The following PIEZO1 variants were observed in gnomAD, a reference collection of about 807,000 sequenced individuals.
PIEZO1 encodes the protein piezo-type mechanosensitive ion channel component 1.
PIEZO1 carries 296 observed loss-of-function variants against 297.2 expected under a neutral mutation model. That is an observed-to-expected ratio of 1.00 (90% CI 0.91 to 1.10). The LOEUF (loss-of-function observed/expected upper bound fraction) is 1.10, where lower values mean the gene tolerates loss of function less well. Among genes scored for constraint, PIEZO1 ranks in the 50% least tolerant of loss-of-function variants. The pLI, the probability that PIEZO1 is intolerant of heterozygous loss-of-function variation, is 0.00. For synonymous variants in PIEZO1, 2,427 were observed against 1,507.5 expected (o/e 1.61, Z -14.13); for missense variants, 5,018 against 3,455.5 (o/e 1.45, Z -11.34).
intron 1 of PIEZO1, among the ~76,000 whole-genome samples, chr16:88,771,721 G>A (rs997257787): frequency 6.6e-5 from 10 of 152,182 alleles, no homozygotes; most frequent in African/African-American, 1.2e-4. Flanking sequence ...CCAGATGCCC[G>A]TCCACCCGCG....
In PIEZO1 at chr16:88,720,400, G is replaced by C. The variant is rs760875854; in HGVS notation, c.5934C>G (p.Gly1978=). The change falls in exon 41 of 51, where the codon GGC becomes GGG. Residue 1978 remains glycine, a synonymous_variant. Coordinates refer to ENST00000301015, the MANE Select transcript of PIEZO1 (RefSeq NM_001142864.4). ...DVVDFIIIIF[G]FWAFGKHSAA... is the part of the protein sequence containing the mutation. Reference sequence around the variant, plus strand: ...CCTGGCTCACCCCAAAGGCCCAGAAGCCAAAAATGATGATGATGAAGTCGA... The same window carrying C: ...CCTGGCTCACCCCAAAGGCCCAGAACCCAAAAATGATGATGATGAAGTCGA... 1.5e-5 allele frequency: 24 copies of C among 1,550,148 alleles called. No individual in the cohort carries two copies. Among genetic ancestry groups the C allele is most frequent in the Non-Finnish European group, 1.9e-5 (22 of 1,146,914 alleles).
At position 88,749,960 on chromosome 16, in the gene PIEZO1, G is replaced by A. The variant is rs552302598; in HGVS notation, c.65-481C>T. Among the ~76,000 whole-genome samples, 273 of 151,914 alleles carry A rather than the reference G, an allele frequency of 1.8e-3. 2 individuals are homozygous for A. The highest frequency in any genetic ancestry group is 3.9e-3 in the African/African-American group (160 of 41,398). ...GAAGAATTGCTTGAAACCGGGAGGC[G>A]GAGGTTACACTGAGATGGCACCACT... On this transcript the variant is annotated intron_variant, in intron 1 of 50. Transcript: ENST00000301015.
intron 12 of PIEZO1, among the ~76,000 whole-genome samples, chr16:88,735,634 C>G (rs1905160121): frequency 6.6e-6 from 1 of 152,278 alleles, no homozygotes; most frequent in South Asian, 2.1e-4. Context: ...CACAGGCTCA[C>G]AAGTTTCACA....
rs992231499 is a variant in PIEZO1 at position 88,721,585 on chromosome 16, C to T, written c.5356G>A (p.Asp1786Asn). 3.9e-6 allele frequency: 6 copies of T among 1,550,106 alleles called. No homozygotes were observed. The African/African-American group carries it at 4.1e-5, about 11-fold the overall frequency. ...LEKTDGYIKY[D>N]LVQLMALFFH... ...AAAAGGGCCATGAGCTGCACCAGGT[C>T]GTACTTGATGTAGCCGTCAGTCTTC... is the stretch of plus-strand genomic sequence containing the variant. The change falls in exon 38 of 51, where the codon GAC (aspartate) becomes AAC (asparagine). Residue 1786 changes from aspartate (D) to asparagine (N), a missense_variant. Asp to Asn is a conservative substitution (Grantham distance 23). Coordinates refer to ENST00000301015, the MANE Select transcript of PIEZO1 (RefSeq NM_001142864.4).
rs1272772805 is a variant in PIEZO1 at position 88,721,868 on chromosome 16, G to A, written c.5154C>T (p.Ala1718=). Reference sequence around the variant, plus strand: ...TGCTGGGCCTCGGGATCGACAGCATGGCCCACAGGAAGACGAGCACGGGCA... The same window carrying A: ...TGCTGGGCCTCGGGATCGACAGCATAGCCCACAGGAAGACGAGCACGGGCA... ...LVLPVLVFLW[A]MLSIPRPSKR... is the part of the protein sequence containing the mutation. The change falls in exon 37 of 51, where the codon GCC becomes GCT. Residue 1718 remains alanine, a synonymous_variant. Coordinates refer to ENST00000301015, the MANE Select transcript of PIEZO1 (RefSeq NM_001142864.4). 3.9e-6 allele frequency: 6 copies of A among 1,550,002 alleles called. No individual in the cohort carries two copies. Among genetic ancestry groups the A allele is most frequent in the East Asian group, 2.4e-5 (1 of 40,898 alleles).
At chr16:88,721,495 G>A (rs1460861290) in intron 38 of PIEZO1, 43 bp downstream of exon 38, 2 of 1,539,034 alleles carry the variant, frequency 1.3e-6, no homozygotes. Context: ...GGTGCCCAGA[G>A]GGCCTGCCCA....
rs1218346916 is a variant in PIEZO1 at position 88,722,977 on chromosome 16, T to G, written c.4528A>C (p.Thr1510Pro). 1 of 1,547,142 alleles carries G rather than the reference T, an allele frequency of 6.5e-7. No individual in the cohort carries two copies. Among genetic ancestry groups the G allele is most frequent in the African/African-American group, 1.4e-5 (1 of 73,006 alleles). ...CCCAGCATCCACAGGAACTGCGCCG[T>G]GCTCAGCACCCTCTGCACCACATGG... ...RSHVVQRVLSTAQFLWMLGQA... is the reference protein window; with the variant it reads ...RSHVVQRVLSPAQFLWMLGQA... Residue 1510 changes from threonine to proline, a missense_variant, in exon 34 of 51, where the codon ACG (threonine) becomes CCG (proline). Physicochemically the swap from Thr to Pro is conservative, Grantham distance 38. Coordinates refer to ENST00000301015, the MANE Select transcript of PIEZO1 (RefSeq NM_001142864.4).
In PIEZO1 at chr16:88,722,055, A is replaced by G. The variant is rs1438458350; in HGVS notation, c.4967T>C (p.Ile1656Thr). The G allele has an allele frequency of 3.9e-6, 6 of 1,546,314 alleles. No individual in the cohort carries two copies. The highest frequency in any genetic ancestry group is 5.2e-6 in the Non-Finnish European group (6 of 1,145,796). The change falls in exon 37 of 51, where the codon ATC becomes ACC. Residue 1656 changes from isoleucine to threonine, a missense_variant. By Grantham distance (89) the Ile-to-Thr change is moderately conservative. Coordinates refer to ENST00000301015, the MANE Select transcript of PIEZO1 (RefSeq NM_001142864.4). Reference sequence around the variant, plus strand: ...CAGCTCTGCCTCCTCCAGCTCTGGGATGCGCAGGCGCCTACAGGGAGACCC... The same window carrying G: ...CAGCTCTGCCTCCTCCAGCTCTGGGGTGCGCAGGCGCCTACAGGGAGACCC... ...SELLLDRRLR[I>T]PELEEAELFA...
chr16:88,730,657 C>G (rs903357060), intron 22 of PIEZO1, among the ~76,000 whole-genome samples: 1 of 151,448 alleles, frequency 6.6e-6, no homozygotes, highest in Non-Finnish European at 1.5e-5. Context: ...GTTTCAAACT[C>G]CTGGCCTCAA....
At position 88,726,900 on chromosome 16, in the gene PIEZO1, C is replaced by A. The variant is rs1409761888; in HGVS notation, c.3514G>T (p.Val1172Leu). Residue 1172 changes from valine (V) to leucine (L), a missense_variant, in exon 25 of 51, where the codon GTG becomes TTG. By Grantham distance (32) the Val-to-Leu change is conservative. Transcript: ENST00000301015. ...GTGGCCCCCGTGACAAACACCACCA[C>A]CAGCACCAGCCAGAACAGGTATCGG... The part of the protein sequence containing the change: ...VFRYLFWLVL[V>L]VVFVTGATRI... 6.4e-7 allele frequency: 1 copy of A among 1,550,414 alleles called. No individual in the cohort carries two copies. Among genetic ancestry groups the A allele is most frequent in the Admixed American group, 2.0e-5 (1 of 51,014 alleles).
chr16:88,727,878 A>T (rs1036229235), intron 22 of PIEZO1: 20 of 371,468 alleles, frequency 5.4e-5, no homozygotes, highest in Non-Finnish European at 8.2e-5. Flanking sequence ...GGGCAAAGGA[A>T]CTGAGCAGGA....
In PIEZO1 at chr16:88,749,188, A is replaced by C. The variant is rs572770223; in HGVS notation, c.160+196T>G. ...CTGGGAGGCGAAGCCTGCAGTGAGC[A>C]GAGATCGCGCCACTGCACTCCAGCC... is the stretch of plus-strand genomic sequence containing the variant. On this transcript the variant is annotated intron_variant, in intron 2 of 50. Transcript: ENST00000301015. 3.4e-3 allele frequency among the ~76,000 whole-genome samples: 519 copies of C among 151,392 alleles called. 2 individuals are homozygous for C. The highest frequency in any genetic ancestry group is 9.7e-3 in the African/African-American group (402 of 41,270).
Position 88,721,688 on chromosome 16 carries a change from G to A in PIEZO1, c.5253C>T (p.Phe1751=), listed in dbSNP as rs923562531. The stretch of plus-strand genomic sequence containing the variant: ...GCACCACGTGGCTGTTCCAGGGGAA[G>A]AACCCAAACTGGAACAGGTACTTGA... ...VVVKYLFQFG[F]FPWNSHVVLR... The change falls in exon 38 of 51, where the codon TTC becomes TTT. Residue 1751 remains phenylalanine (F), a synonymous_variant. Transcript: ENST00000301015. 4 of 1,549,400 alleles carry A rather than the reference G, an allele frequency of 2.6e-6. No homozygotes were observed. Among genetic ancestry groups the A allele is most frequent in the Non-Finnish European group, 3.5e-6 (4 of 1,146,702 alleles).
intron 5 of PIEZO1, chr16:88,739,964 G>C (rs1306329929): frequency 6.6e-6 from 1 of 151,894 alleles, no homozygotes; most frequent in African/African-American, 2.4e-5. Context: ...AGGCCACCGA[G>C]GGGCAGGCCC....
intron 1 of PIEZO1, among the ~76,000 whole-genome samples, chr16:88,782,422 A>T (rs1164537662): frequency 6.6e-6 from 1 of 152,156 alleles, no homozygotes; most frequent in African/African-American, 2.4e-5. Context: ...CTGCCCTGAC[A>T]TCTCTCTAGA....
intron 35 of PIEZO1, 70 bp from the exon 36 acceptor site, chr16:88,722,467 G>C (rs570557442): frequency 4.1e-6 from 6 of 1,448,414 alleles, no homozygotes; most frequent in Non-Finnish European, 4.6e-6. Context: ...GGAGGGTCAG[G>C]GTGGAAAGTG....
intron 12 of PIEZO1, among the ~76,000 whole-genome samples, chr16:88,735,450 T>C (rs1003673244): frequency 1.5e-4 from 23 of 152,346 alleles, no homozygotes; most frequent in South Asian, 8.3e-4. Context: ...CTCACATCCA[T>C]GGATGAGTGC....
intron 1 of PIEZO1, among the ~76,000 whole-genome samples, chr16:88,760,991 G>A (rs1224739993): frequency 2.0e-5 from 3 of 152,216 alleles, no homozygotes; most frequent in Non-Finnish European, 4.4e-5. Flanking sequence ...ACCTGCCACA[G>A]CCATCTGCTC....
intron 30 of PIEZO1, 127 bp downstream of exon 30, chr16:88,724,882 G>A (rs1904321800): frequency 3.3e-6 from 2 of 609,042 alleles, no homozygotes; most frequent in Admixed American, 4.1e-5. Flanking sequence ...CAGGAGGCCT[G>A]AGCACGTCCT....
Sources: allele counts gnomAD v4.1 joint callset (sites outside exome capture counted in the v4.1 genomes callset), GRCh38; gene constraint gnomAD v4.1.1; transcripts MANE v1.5; gene names NCBI Gene and HGNC (gene_info 2026-07-23, HGNC 2026-07-21).